The following WDR13 variants were observed in gnomAD, a reference collection of about 807,000 sequenced individuals.
WDR13 encodes WD repeat-containing protein 13.
WDR13 carries 1 observed loss-of-function variant against 28.6 expected under a neutral mutation model. That is an observed-to-expected ratio of 0.03 (90% CI 0.01 to 0.17). The LOEUF (loss-of-function observed/expected upper bound fraction) is 0.17, where lower values mean the gene tolerates loss of function less well. Ranked by LOEUF, WDR13 falls within the 10% of genes least tolerant of loss-of-function variation. The probability of loss-of-function intolerance (pLI) is 1.00; values close to 1 mark genes in which losing one functional copy is unlikely to be tolerated. For synonymous variants in WDR13, 201 were observed against 185.9 expected (o/e 1.08, Z -0.66); for missense variants, 264 against 469.3 (o/e 0.56, Z 4.04).
At chrX:48,604,179 A>T in intron 8 of WDR13, 93 bp from the exon 9 acceptor site, 1 of 778,824 alleles carries the variant, frequency 1.3e-6, no homozygotes, top group Non-Finnish European at 1.9e-6. Context: ...AACCCTGTAA[A>T]GAACTTAGGC....
At position 48,601,779 on chromosome X, in the gene WDR13, C is replaced by T; in HGVS notation, c.832-5C>T. ...AGGATGATGGTCTGTGCATTCTCCC[C>T]ACAGGTGGGGAACGCCAAGCACAAC... On this transcript the variant is annotated splice_polypyrimidine_tract_variant and splice_region_variant and intron_variant, in intron 6 of 9. Coordinates refer to ENST00000376729, the MANE Select transcript of WDR13 (RefSeq NM_001347217.2). The T allele has an allele frequency of 8.6e-7, 1 of 1,162,417 alleles. No individual in the cohort carries two copies. The highest frequency in any genetic ancestry group is 1.2e-6 in the Non-Finnish European group (1 of 868,039).
rs1407336280 is a variant in WDR13, at chrX:48,605,304, T to C, written c.*272T>C. On this transcript the variant is annotated 3_prime_UTR_variant, in exon 10 of 10. Transcript: ENST00000376729. ...CTGCCTTAACTGTTTTACACACTTA[T>C]GCATTCGATAGACATTAGTGAGCCC... is the stretch of plus-strand genomic sequence containing the variant. 6.1e-5 allele frequency: 22 copies of C among 362,343 alleles called. No individual in the cohort carries two copies. The highest frequency in any genetic ancestry group is 4.0e-4 in the South Asian group (8 of 19,887). 29.9% of individuals were successfully genotyped at this position (362,343 alleles called of 1,213,427 possible). A position where few individuals can be genotyped will look rare whatever the true frequency, so the allele number is the denominator to read the frequency against.
rs182668671 is a variant in WDR13, at chrX:48,605,215, T to G, written c.*183T>G. The G allele has an allele frequency of 4.1e-6, 2 of 482,174 alleles. No homozygotes were observed. The highest frequency in any genetic ancestry group is 6.8e-6 in the Non-Finnish European group (2 of 293,109). The allele number at this position is 482,174 out of a possible 1,213,427, so 39.7% of individuals were successfully genotyped here. ...CGGGGTTCATTGACTCATTTGTGCA[T>G]TCATGCATCGACGGATTCATTCATT... On this transcript the variant is annotated 3_prime_UTR_variant, in exon 10 of 10. Coordinates refer to ENST00000376729, the MANE Select transcript of WDR13 (RefSeq NM_001347217.2).
Position 48,598,739 on chromosome X carries a change from A to G in WDR13, c.64A>G (p.Thr22Ala), listed in dbSNP as rs2062161454. The G allele has an allele frequency of 1.7e-6, 2 of 1,179,887 alleles. No individual in the cohort carries two copies. Among genetic ancestry groups the G allele is most frequent in the Non-Finnish European group, 2.3e-6 (2 of 876,398 alleles). Residue 22 changes from threonine to alanine, a missense_variant, in exon 3 of 10, where the codon ACG becomes GCG. Physicochemically the swap from Thr to Ala is moderately conservative, Grantham distance 58 (BLOSUM62 0). Around this residue, in one of 4 missense-constraint regions of WDR13, gnomAD observed 15 missense variants for 48.2 expected, o/e 0.31. Transcript: ENST00000376729. ...CAGGTACAACGCGTACCGCACACCA[A>G]CGTTTCCACAGTTTCGGACGCAGTA... The part of the protein sequence containing the change: ...DARYNAYRTP[T>A]FPQFRTQYIR...
intron 1 of WDR13, 130 bp from the exon 2 acceptor site, chrX:48,597,828 A>C: frequency 1.1e-6 from 1 of 876,600 alleles, no homozygotes; most frequent in Admixed American, 4.2e-5. Context: ...CCATGGTAAC[A>C]CCCGGGGGGG....
rs782478121 is a variant in WDR13, at chrX:48,604,896, C to T, written c.1322C>T (p.Ala441Val). 26 of 1,210,039 alleles carry T rather than the reference C, an allele frequency of 2.1e-5. No homozygotes were observed. Among genetic ancestry groups the T allele is most frequent in the South Asian group, 3.5e-5 (2 of 56,864 alleles). The change falls in exon 10 of 10, where the codon GCG (alanine) becomes GTG (valine). Residue 441 changes from alanine to valine, a missense_variant. This residue lies in a region of WDR13 where 18 missense variants were observed against 61.6 expected (regional missense o/e 0.29). Coordinates refer to ENST00000376729, the MANE Select transcript of WDR13 (RefSeq NM_001347217.2). ...MCVHFFDVERAAKAAVNKLQG... is the reference protein window; with the variant it reads ...MCVHFFDVERVAKAAVNKLQG... ...GTGCACTTCTTTGATGTGGAGCGGG[C>T]GGCCAAGGCTGCTGTCAACAAGCTG... is the stretch of plus-strand genomic sequence containing the variant.
At chrX:48,598,565 C>G in intron 2 of WDR13, 152 bp from the exon 3 acceptor site, 1 of 1,082,678 alleles carries the variant, frequency 9.2e-7, no homozygotes, top group Non-Finnish European at 1.2e-6. Flanking sequence ...ACCACAGGAC[C>G]AAGAGGTCCC....
Position 48,606,602 on chromosome X carries a change from G to T in WDR13, c.*1570G>T, listed in dbSNP as rs960545668. The T allele has an allele frequency of 8.9e-6, 1 of 111,889 alleles. No individual in the cohort carries two copies. The highest frequency in any genetic ancestry group is 3.2e-5 in the African/African-American group (1 of 30,789). 9.2% of individuals were successfully genotyped at this position (111,889 alleles called of 1,213,427 possible). On this transcript the variant is annotated 3_prime_UTR_variant, in exon 10 of 10. Coordinates refer to ENST00000376729, the MANE Select transcript of WDR13 (RefSeq NM_001347217.2). ...ATTTGAGGGGAGCCCCAAGAGAGGAGAAAAAGCTTTGAGTATTGATGGGGG... is the reference window on the plus strand; with the variant it reads ...ATTTGAGGGGAGCCCCAAGAGAGGATAAAAAGCTTTGAGTATTGATGGGGG...
intron 6 of WDR13, among the ~76,000 whole-genome samples, chrX:48,601,357 C>T (rs1480749342): frequency 1.8e-5 from 2 of 112,131 alleles, no homozygotes; most frequent in African/African-American, 3.2e-5. Context: ...TGGTGTGGCC[C>T]GGGGTGTAGT....
intron 2 of WDR13, chrX:48,598,458 A>G: frequency 1.9e-6 from 2 of 1,026,000 alleles, no homozygotes; most frequent in Non-Finnish European, 2.5e-6. Context: ...GCGCTGACCC[A>G]GTCACCCCGT....
At position 48,600,466 on chromosome X, in the gene WDR13, C is replaced by T. The variant is rs1381564323; in HGVS notation, c.671C>T (p.Ala224Val). The stretch of plus-strand genomic sequence containing the variant: ...CACACCCGTGGTGTCTCCGACTTCG[C>T]CTGGTCCCTCTCCAATGACATCCTC... ...RGHTRGVSDF[A>V]WSLSNDILVS... The change falls in exon 6 of 10, where the codon GCC becomes GTC. Residue 224 changes from alanine (A) to valine (V), a missense_variant. By Grantham distance (64) the Ala-to-Val change is moderately conservative (BLOSUM62 0). Coordinates refer to ENST00000376729, the MANE Select transcript of WDR13 (RefSeq NM_001347217.2). 1 of 1,211,465 alleles carries T rather than the reference C, an allele frequency of 8.3e-7. No individual in the cohort carries two copies. Among genetic ancestry groups the T allele is most frequent in the Non-Finnish European group, 1.1e-6 (1 of 895,549 alleles).
chrX:48,598,441 A>G, intron 2 of WDR13: 1 of 1,014,428 alleles, frequency 9.9e-7, no homozygotes, highest in Non-Finnish European at 1.2e-6. Context: ...GACCCTAATT[A>G]TTGTCTGCGC....
Position 48,607,863 on chromosome X carries a change from G to A in WDR13, c.*2831G>A, listed in dbSNP as rs2062230809. On this transcript the variant is annotated 3_prime_UTR_variant, in exon 10 of 10. Coordinates refer to ENST00000376729, the MANE Select transcript of WDR13 (RefSeq NM_001347217.2). The stretch of plus-strand genomic sequence containing the variant: ...GGCTTACTGTAACCTCCGCCTCCTG[G>A]GTTCAAGCAATTCTCCTGCCTCAGC... 1 of 108,019 alleles carries A rather than the reference G, an allele frequency of 9.3e-6. No homozygotes were observed. Among genetic ancestry groups the A allele is most frequent in the Non-Finnish European group, 1.9e-5 (1 of 52,163 alleles). The allele number at this position is 108,019 out of a possible 1,213,427, so 8.9% of individuals were successfully genotyped here.
rs782553788 is a variant in WDR13, at chrX:48,604,873, G to C, written c.1299G>C (p.Val433=). ...CVVTGSEDMC[V]HFFDVERAAK... is the part of the protein sequence containing the mutation. ...TGACGGGCAGTGAGGACATGTGCGT[G>C]CACTTCTTTGATGTGGAGCGGGCGG... The change falls in exon 10 of 10, where the codon GTG becomes GTC. Residue 433 remains valine (V), a synonymous_variant. Coordinates refer to ENST00000376729, the MANE Select transcript of WDR13 (RefSeq NM_001347217.2). The C allele has an allele frequency of 3.6e-5, 43 of 1,209,228 alleles. No homozygotes were observed. Among genetic ancestry groups the C allele is most frequent in the Non-Finnish European group, 4.8e-5 (43 of 894,234 alleles).
In WDR13 at chrX:48,601,844, G is replaced by C; in HGVS notation, c.892G>C (p.Gly298Arg). 8.3e-7 allele frequency: 1 copy of C among 1,203,797 alleles called. No individual in the cohort carries two copies. Among genetic ancestry groups the C allele is most frequent in the Non-Finnish European group, 1.1e-6 (1 of 891,014 alleles). Residue 298 changes from glycine (G) to arginine (R), a missense_variant, in exon 7 of 10, where the codon GGG becomes CGG. Around this residue, in one of 4 missense-constraint regions of WDR13, gnomAD observed 157 missense variants for 270.2 expected, o/e 0.58. Coordinates refer to ENST00000376729, the MANE Select transcript of WDR13 (RefSeq NM_001347217.2). ...CATCTCCACAGGCAAGAAAGTGAAGGGGGGCTCCAGCAAGCTGACAGGCCG... is the reference window on the plus strand; with the variant it reads ...CATCTCCACAGGCAAGAAAGTGAAGCGGGGCTCCAGCAAGCTGACAGGCCG... The part of the protein sequence containing the change: ...MNISTGKKVK[G>R]GSSKLTGRVL...
rs782803663 is a variant in WDR13 at position 48,599,384 on chromosome X, C to T, written c.314C>T (p.Ala105Val). The T allele has an allele frequency of 8.3e-7, 1 of 1,205,985 alleles. No individual in the cohort carries two copies. The highest frequency in any genetic ancestry group is 1.8e-5 in the South Asian group (1 of 56,188). ...DFEDDPRALG[A>V]RGHRRSVSRG... The stretch of plus-strand genomic sequence containing the variant: ...GAGGATGATCCTCGGGCCCTGGGGG[C>T]CCGTGGGCACCGTCGTTCTGTCAGC... The change falls in exon 4 of 10, where the codon GCC becomes GTC. Residue 105 changes from alanine (A) to valine (V), a missense_variant. Coordinates refer to ENST00000376729, the MANE Select transcript of WDR13 (RefSeq NM_001347217.2).
In WDR13 at chrX:48,605,632, C is replaced by G. The variant is rs2062217283; in HGVS notation, c.*600C>G. The G allele has an allele frequency of 8.9e-6, 1 of 112,120 alleles. No individual in the cohort carries two copies. Among genetic ancestry groups the G allele is most frequent in the Non-Finnish European group, 1.9e-5 (1 of 53,623 alleles). 9.2% of individuals were successfully genotyped at this position (112,120 alleles called of 1,213,427 possible). On this transcript the variant is annotated 3_prime_UTR_variant, in exon 10 of 10. Transcript: ENST00000376729. The stretch of plus-strand genomic sequence containing the variant: ...CCAGGTTGGAATGCAGTGGCATGAC[C>G]ATAGCTCACTGCAGCCTCAACCTCC...
At chrX:48,604,824 G>A in intron 9 of WDR13, 24 bp from the exon 10 acceptor site, 1 of 1,196,098 alleles carries the variant, frequency 8.4e-7, no homozygotes, top group Non-Finnish European at 1.1e-6. Context: ...GCCTCCCGAT[G>A]GCCTCTCCCT....
At chrX:48,598,477 C>T in intron 2 of WDR13, 1 of 1,038,456 alleles carries the variant, frequency 9.6e-7, no homozygotes, top group African/African-American at 1.9e-5. Flanking sequence ...GTAGGGACCC[C>T]AGCACGGCAG....
Sources: gnomAD v4.1 joint callset for allele counts (sites outside exome capture counted in the v4.1 genomes callset) on GRCh38, gnomAD v4.1.1 for gene constraint, gnomAD v4.1.1 regional missense constraint, MANE v1.5 for transcripts, NCBI Gene and HGNC (gene_info 2026-07-23, HGNC 2026-07-21) for gene names.